Variants in ANK3 observed in about 807,000 individuals in gnomAD.
ANK3 encodes the protein ankyrin-3.
In ANK3, 57 loss-of-function variants were observed where a neutral mutation model predicts 370.9. The ratio of observed to expected loss-of-function variants is 0.15; its 90% CI spans 0.12 to 0.19. The LOEUF (loss-of-function observed/expected upper bound fraction) is 0.19. Ranked by LOEUF, ANK3 falls within the 10% of genes least tolerant of loss-of-function variation. The probability of loss-of-function intolerance (pLI) is 1.00; values close to 1 mark genes in which losing one functional copy is unlikely to be tolerated. For synonymous variants in ANK3, 1,929 were observed against 1,946.3 expected, an observed-to-expected ratio of 0.99 and a Z score of 0.23; for missense variants, 4,439 against 5,302.1, an observed-to-expected ratio of 0.84 and a Z score of 5.06.
intron 2 of ANK3, among the ~76,000 whole-genome samples, chr10:60,533,663 G>A (rs2076658056): frequency 6.6e-6 from 1 of 152,078 alleles, no homozygotes; most frequent in Non-Finnish European, 1.5e-5. Context: ...ATTTTGTCAT[G>A]AGCTGGGCCG....
rs1056311368 is a variant in ANK3, at chr10:60,263,843, C to T, written c.691G>A (p.Glu231Lys). Reference sequence around the variant, plus strand: ...TGTCCCTCGTGCCTCACCTTTGATTCCACATCTGCATTGTTGTCATTCTGC... The same window carrying T: ...TGTCCCTCGTGCCTCACCTTTGATTTCACATCTGCATTGTTGTCATTCTGC... ...LLQNDNNADV[E>K]SKSGFTPLHI... The change falls in exon 6 of 44, where the codon GAA becomes AAA. Residue 231 changes from glutamate to lysine, a missense_variant. Physicochemically the swap from Glu to Lys is moderately conservative, Grantham distance 56. Around this residue, in one of 13 missense-constraint regions of ANK3, gnomAD observed 136 missense variants for 230.5 expected, o/e 0.59. Transcript: ENST00000280772. 6.8e-6 allele frequency: 11 copies of T among 1,613,938 alleles called. No individual in the cohort carries two copies. Among genetic ancestry groups the T allele is most frequent in the Non-Finnish European group, 9.3e-6 (11 of 1,180,008 alleles).
chr10:60,230,891 TTAAAAA>T (rs1282821788), intron 8 of ANK3, among the ~76,000 whole-genome samples: 1 of 67,876 alleles, frequency 1.5e-5, no homozygotes, highest in East Asian at 6.8e-4. Flanking sequence ...AGACTCCATC[TTAAAAA>T]AAAAAAAAAA....
Position 60,149,722 on chromosome 10 carries a change from T to A in ANK3, c.2615-10635A>T, listed in dbSNP as rs138863600. On this transcript the variant is annotated intron_variant, in intron 23 of 43. Coordinates refer to ENST00000280772, the MANE Select transcript of ANK3 (RefSeq NM_020987.5). ...CATACCCCTTATTTTGTTTTGTTGT[T>A]ATTTGAGACGAAGTCTCGCTCTGTC... Among the ~76,000 whole-genome samples, 5 of 152,360 alleles carry A rather than the reference T, an allele frequency of 3.3e-5. No individual in the cohort carries two copies. The East Asian group carries it at 9.6e-4, about 29-fold the overall frequency.
intron 1 of ANK3, among the ~76,000 whole-genome samples, chr10:60,680,518 G>A (rs2079181450): frequency 6.6e-6 from 1 of 152,176 alleles, no homozygotes; most frequent in South Asian, 2.1e-4. Context: ...AGTCTCCTGG[G>A]AATGGTTCTA....
intron 2 of ANK3, among the ~76,000 whole-genome samples, chr10:60,476,789 T>C (rs1595109206): frequency 6.6e-6 from 1 of 152,300 alleles, no homozygotes. Context: ...CGTCTGGAGA[T>C]TCAGTCCTTT....
chr10:60,305,642 T>C (rs1276550504), intron 1 of ANK3, among the ~76,000 whole-genome samples: 1 of 152,198 alleles, frequency 6.6e-6, no homozygotes, highest in African/African-American at 2.4e-5. Flanking sequence ...ATTCAAACTT[T>C]CTGTGGTGCT....
intron 7 of ANK3, among the ~76,000 whole-genome samples, chr10:60,244,934 C>A (rs1014487563): frequency 2.0e-5 from 3 of 152,164 alleles, no homozygotes; most frequent in African/African-American, 7.2e-5. Context: ...CTTTGGGAGG[C>A]CGAGGCGGGC....
intron 1 of ANK3, among the ~76,000 whole-genome samples, chr10:60,631,996 G>C (rs1033801959): frequency 6.6e-6 from 1 of 152,106 alleles, no homozygotes; most frequent in African/African-American, 2.4e-5. Flanking sequence ...TTAAAGTCTA[G>C]TCTCAGCCAA....
intron 43 of ANK3, among the ~76,000 whole-genome samples, chr10:60,030,205 C>T (rs548355262): frequency 1.3e-5 from 2 of 151,938 alleles, no homozygotes; most frequent in Non-Finnish European, 2.9e-5. Flanking sequence ...TGCAGTGGCC[C>T]GAAATTGGCT....
upstream of ANK3, among the ~76,000 whole-genome samples, chr10:60,393,851 AT>A (rs199796232): frequency 9.3e-3 from 1,414 of 152,238 alleles, 12 homozygotes; most frequent in Admixed American, 0.019. Context: ...AGCTGTGCAC[AT>A]TTAAAAAATA....
intron 1 of ANK3, among the ~76,000 whole-genome samples, chr10:60,641,119 G>T (rs1365468802): frequency 1.3e-5 from 2 of 149,660 alleles, no homozygotes; most frequent in Non-Finnish European, 1.5e-5. Flanking sequence ...CACTGCTCAA[G>T]GAAATAAAAG....
At chr10:60,191,106 A>ATG (rs748664362) in intron 16 of ANK3, among the ~76,000 whole-genome samples, 6 of 152,224 alleles carry the variant, frequency 3.9e-5, no homozygotes, top group Non-Finnish European at 5.9e-5. Flanking sequence ...AAAGACTTAA[A>ATG]TGTAATACCT....
At chr10:60,411,403 A>G (rs1330110704) in intron 2 of ANK3, among the ~76,000 whole-genome samples, 3 of 152,210 alleles carry the variant, frequency 2.0e-5, no homozygotes, top group African/African-American at 7.2e-5. Flanking sequence ...AAGGATAAGT[A>G]GATGTTTTCT....
At chr10:60,655,667 G>T (rs996795758) in intron 1 of ANK3, among the ~76,000 whole-genome samples, 20 of 152,048 alleles carry the variant, frequency 1.3e-4, no homozygotes, top group South Asian at 1.2e-3. Flanking sequence ...TATAAATTTA[G>T]TGTAGCCTAA....
chr10:60,570,598 G>A (rs1398798501), intron 2 of ANK3, among the ~76,000 whole-genome samples: 2 of 152,156 alleles, frequency 1.3e-5, no homozygotes, highest in Non-Finnish European at 2.9e-5. Flanking sequence ...GTGGGTACAG[G>A]TTAGACTGGA....
intron 1 of ANK3, among the ~76,000 whole-genome samples, chr10:60,367,601 G>A (rs1179869091): frequency 6.6e-6 from 1 of 152,152 alleles, no homozygotes; most frequent in African/African-American, 2.4e-5. Context: ...TGCCTCTGGG[G>A]TGATCATCAG....
chr10:60,631,187 C>T (rs1567190156), intron 1 of ANK3, among the ~76,000 whole-genome samples: 1 of 152,088 alleles, frequency 6.6e-6, no homozygotes, highest in Non-Finnish European at 1.5e-5. Flanking sequence ...TTGTACTGAT[C>T]TGCCTGTTAA....
intron 2 of ANK3, among the ~76,000 whole-genome samples, chr10:60,477,586 A>C (rs1460823291): frequency 6.6e-6 from 1 of 151,556 alleles, no homozygotes; most frequent in Non-Finnish European, 1.5e-5. Flanking sequence ...ATAGTGGAAA[A>C]CAAAGTGTTA....
In ANK3 at chr10:60,055,883, C is replaced by G; in HGVS notation, c.12840G>C (p.Lys4280Asn). The stretch of plus-strand genomic sequence containing the variant: ...CATGTATTTTTGGTTTCAGAGTTTC[C>G]TTGGTACTCTGTTTTCCTACATCAT... ...SQNDVGKQSTKETLKPKIHGS... is the reference protein window; with the variant it reads ...SQNDVGKQSTNETLKPKIHGS... The change falls in exon 42 of 44, where the codon AAG (lysine) becomes AAC (asparagine). Residue 4280 changes from lysine (K) to asparagine (N), a missense_variant. This residue lies in a region of ANK3 where 242 missense variants were observed against 228.0 expected (regional missense o/e 1.06). Transcript: ENST00000280772. 6.2e-7 allele frequency: 1 copy of G among 1,614,090 alleles called. No homozygotes were observed. Among genetic ancestry groups the G allele is most frequent in the Non-Finnish European group, 8.5e-7 (1 of 1,180,000 alleles).
Sources: gnomAD v4.1 joint callset for allele counts (sites outside exome capture counted in the v4.1 genomes callset) on GRCh38, gnomAD v4.1.1 for gene constraint, gnomAD v4.1.1 regional missense constraint, MANE v1.5 for transcripts, NCBI Gene and HGNC (gene_info 2026-07-23, HGNC 2026-07-21) for gene names.